PKIG: variants seen among roughly 807,000 people sequenced by gnomAD.
The protein encoded by PKIG is cAMP-dependent protein kinase inhibitor gamma.
Under a neutral mutation model 6.8 loss-of-function variants are expected in PKIG, and 1 was observed. The ratio of observed to expected loss-of-function variants is 0.15; its 90% CI spans 0.05 to 0.69. PKIG has a LOEUF of 0.69. Among genes scored for constraint, PKIG ranks in the 30% least tolerant of loss-of-function variants. The probability of loss-of-function intolerance (pLI) is 0.82; values close to 1 mark genes in which losing one functional copy is unlikely to be tolerated. For synonymous variants in PKIG, 39 were observed against 43.0 expected (o/e 0.91, Z 0.36); for missense variants, 77 against 104.0 (o/e 0.74, Z 1.13).
chr20:44,533,234 T>C (rs934095294), intron 1 of PKIG, among the ~76,000 whole-genome samples: 15 of 152,178 alleles, frequency 9.9e-5, no homozygotes, highest in Non-Finnish European at 1.3e-4. Flanking sequence ...CTCACTATGT[T>C]GCCCAGGCTG....
At chr20:44,610,496 T>A (rs1296105396) in intron 2 of PKIG, among the ~76,000 whole-genome samples, 218 of 111,522 alleles carry the variant, frequency 2.0e-3, no homozygotes, top group African/African-American at 9.3e-3. Flanking sequence ...TCTCTCTCTC[T>A]CTCTCACACA....
intron 1 of PKIG, among the ~76,000 whole-genome samples, chr20:44,545,500 T>C (rs372389923): frequency 3.7e-4 from 56 of 152,146 alleles, no homozygotes; most frequent in African/African-American, 1.3e-3. Context: ...AAGAGACCTC[T>C]GAAAAGATTG....
Position 44,558,616 on chromosome 20 carries a change from C to CTTTCTTTCTTTCTA in PKIG, c.-240-23969_-240-23968insTTTCTTTCTTTCTA. Among the ~76,000 whole-genome samples, 3 of 62,238 alleles carry CTTTCTTTCTTTCTA rather than the reference C, an allele frequency of 4.8e-5. No individual in the cohort carries two copies. In the Admixed American group the frequency reaches 6.0e-4, roughly 13 times the overall value. The allele number at this position is 62,238 out of a possible 152,430, so 40.8% of individuals were successfully genotyped here. ...TTTCTTTCTTTCTTTCTTTCTTTCT[C>CTTTCTTTCTTTCTA]ATTCTTTCTTTTTCATTCTTTCTTT... On this transcript the variant is annotated intron_variant, in intron 1 of 4. Coordinates refer to the PKIG transcript ENST00000372887.
At chr20:44,577,681 A>C (rs1219182854), upstream of PKIG, among the ~76,000 whole-genome samples, 1 of 152,168 alleles carries the variant, frequency 6.6e-6, no homozygotes, top group Non-Finnish European at 1.5e-5. Flanking sequence ...TGGCACAGTG[A>C]ATAAGTGAGT....
At chr20:44,558,588 T>TTCTTTC (rs2064737658) in intron 1 of PKIG, among the ~76,000 whole-genome samples, 1 of 149,878 alleles carries the variant, frequency 6.7e-6, no homozygotes, top group Non-Finnish European at 1.5e-5. Context: ...CTTTCTTTCT[T>TTCTTTC]TCTTTCTTTC....
intron 2 of PKIG, among the ~76,000 whole-genome samples, chr20:44,611,025 C>T (rs1209376479): frequency 6.7e-6 from 1 of 148,206 alleles, no homozygotes. Context: ...TCAAAAGCTT[C>T]TGTAGTTATT....
chr20:44,533,170 A>G (rs1002530744), intron 1 of PKIG, among the ~76,000 whole-genome samples: 4 of 151,952 alleles, frequency 2.6e-5, no homozygotes, highest in Non-Finnish European at 5.9e-5. Flanking sequence ...TGATTCATAT[A>G]TATGTGTGTG....
intron 2 of PKIG, among the ~76,000 whole-genome samples, chr20:44,596,630 G>C (rs142973691): frequency 1.3e-5 from 2 of 152,164 alleles, no homozygotes; most frequent in Non-Finnish European, 2.9e-5. Flanking sequence ...TTCTGGGTTC[G>C]GAACCCTACT....
intron 3 of PKIG, among the ~76,000 whole-genome samples, chr20:44,617,522 G>A (rs2065276376): frequency 6.6e-6 from 1 of 152,128 alleles, no homozygotes; most frequent in Non-Finnish European, 1.5e-5. Flanking sequence ...GGGGCTCAAG[G>A]GAAGCTGAAA....
intron 1 of PKIG, among the ~76,000 whole-genome samples, chr20:44,536,435 A>C (rs1241496904): frequency 6.6e-6 from 1 of 152,186 alleles, no homozygotes; most frequent in Non-Finnish European, 1.5e-5. Context: ...AGGGTAAAAA[A>C]GGGCAGTGGC....
intron 1 of PKIG, among the ~76,000 whole-genome samples, chr20:44,587,056 T>C (rs1055232923): frequency 4.6e-5 from 7 of 152,220 alleles, no homozygotes; most frequent in African/African-American, 1.7e-4. Flanking sequence ...TTTAGTACTT[T>C]ATCAGTGTAG....
At chr20:44,580,090 T>C (rs937982664), upstream of PKIG, among the ~76,000 whole-genome samples, 3 of 152,182 alleles carry the variant, frequency 2.0e-5, no homozygotes, top group African/African-American at 4.8e-5. Flanking sequence ...ACATCACCAT[T>C]AGGGCAAAGG....
At chr20:44,532,283 A>G (rs1388025211) in intron 1 of PKIG, among the ~76,000 whole-genome samples, 1 of 152,198 alleles carries the variant, frequency 6.6e-6, no homozygotes, top group Admixed American at 6.5e-5. Flanking sequence ...CTGTGCAGAA[A>G]ATTTATTTGT....
At chr20:44,550,417 T>A (rs948195080) in intron 1 of PKIG, among the ~76,000 whole-genome samples, 6 of 151,128 alleles carry the variant, frequency 4.0e-5, no homozygotes, top group South Asian at 2.1e-4. Context: ...AAAAAAAAAA[T>A]GGATTCCCTT....
intron 2 of PKIG, among the ~76,000 whole-genome samples, chr20:44,595,220 C>G (rs1240718926): frequency 6.6e-6 from 1 of 152,198 alleles, no homozygotes. Flanking sequence ...TACACACACA[C>G]GCAGAGAATA....
intron 1 of PKIG, among the ~76,000 whole-genome samples, chr20:44,584,679 A>G (rs1334238518): frequency 6.6e-6 from 1 of 150,544 alleles, no homozygotes; most frequent in Non-Finnish European, 1.5e-5. Context: ...GTTTGAATTA[A>G]GGTCCTAGTT....
At chr20:44,599,174 G>T (rs1229562202) in intron 2 of PKIG, among the ~76,000 whole-genome samples, 1 of 152,116 alleles carries the variant, frequency 6.6e-6, no homozygotes, top group South Asian at 2.1e-4. Context: ...GAAGCTGGGG[G>T]CAGGGGAAAA....
At chr20:44,538,038 C>T (rs750090459) in intron 1 of PKIG, among the ~76,000 whole-genome samples, 4 of 152,060 alleles carry the variant, frequency 2.6e-5, no homozygotes, top group Non-Finnish European at 5.9e-5. Context: ...CTGACAGCCT[C>T]CTTTTGAGAG....
At chr20:44,539,211 C>T (rs1600834413) in intron 1 of PKIG, among the ~76,000 whole-genome samples, 1 of 152,028 alleles carries the variant, frequency 6.6e-6, no homozygotes. Context: ...GGGATTACTA[C>T]AGGCGTGAGC....
Sources: allele counts gnomAD v4.1 joint callset (sites outside exome capture counted in the v4.1 genomes callset), GRCh38; gene constraint gnomAD v4.1.1; transcripts MANE v1.5; gene names NCBI Gene and HGNC (gene_info 2026-07-23, HGNC 2026-07-21).